Variants in EDIL3 observed in about 807,000 individuals in gnomAD.
The protein encoded by EDIL3 is EGF like and discoidin domains 3, also known as EGF-like repeat and discoidin I-like domain-containing protein 3.
A neutral mutation model predicts 67.4 loss-of-function variants in EDIL3; 37 were observed. The observed-to-expected ratio is 0.55, with a 90% CI of 0.42 to 0.72. EDIL3 has a LOEUF of 0.72. Among genes scored for constraint, EDIL3 ranks in the 30% least tolerant of loss-of-function variants. EDIL3 has a pLI of 0.00. For synonymous variants in EDIL3, 195 were observed against 196.3 expected, an observed-to-expected ratio of 0.99 and a Z score of 0.05; for missense variants, 527 against 586.3, an observed-to-expected ratio of 0.90 and a Z score of 1.04.
intron 3 of EDIL3, among the ~76,000 whole-genome samples, chr5:84,202,799 C>T (rs577066672): frequency 3.2e-4 from 48 of 152,208 alleles, no homozygotes; most frequent in Non-Finnish European, 4.9e-4. Context: ...CAGTCTCACA[C>T]GTACTATGAA....
chr5:84,243,293 G>A (rs1035283387), intron 2 of EDIL3, among the ~76,000 whole-genome samples: 2 of 152,212 alleles, frequency 1.3e-5, no homozygotes, highest in African/African-American at 4.8e-5. Flanking sequence ...TGTGGGACAG[G>A]AAAGCATTGT....
intron 6 of EDIL3, among the ~76,000 whole-genome samples, chr5:84,085,232 T>G (rs1747048250): frequency 6.6e-6 from 1 of 152,212 alleles, no homozygotes; most frequent in South Asian, 2.1e-4. Flanking sequence ...GGAGAGTTGT[T>G]GTGATCATTT....
intron 1 of EDIL3, among the ~76,000 whole-genome samples, chr5:84,266,419 C>T (rs1381048551): frequency 6.6e-6 from 1 of 152,172 alleles, no homozygotes; most frequent in Non-Finnish European, 1.5e-5. Flanking sequence ...ATTGAAGAGG[C>T]TTTGACCTTA....
At chr5:84,027,546 TTTTTATTTTA>T (rs3043885) in intron 9 of EDIL3, among the ~76,000 whole-genome samples, 20 of 146,210 alleles carry the variant, frequency 1.4e-4, no homozygotes, top group South Asian at 4.4e-4. Flanking sequence ...ACACCATCCA[TTTTTATTTTA>T]TTTTATTTTA....
intron 9 of EDIL3, among the ~76,000 whole-genome samples, chr5:84,024,525 T>C (rs1160076309): frequency 1.3e-5 from 2 of 152,110 alleles, no homozygotes; most frequent in African/African-American, 4.8e-5. Flanking sequence ...CTAGTCCTGT[T>C]GTCATTGACC....
At chr5:84,232,338 G>A (rs537009587) in intron 2 of EDIL3, among the ~76,000 whole-genome samples, 2 of 152,188 alleles carry the variant, frequency 1.3e-5, no homozygotes, top group Admixed American at 1.3e-4. Context: ...TACAATCCAG[G>A]GACAGACATA....
chr5:84,173,040 G>A (rs2112350501), intron 4 of EDIL3, among the ~76,000 whole-genome samples: 1 of 152,260 alleles, frequency 6.6e-6, no homozygotes, highest in Admixed American at 6.5e-5. Context: ...ATGACAACAG[G>A]AGGTCAGAGA....
chr5:84,218,452 G>C (rs139516533), intron 3 of EDIL3, among the ~76,000 whole-genome samples: 89 of 152,344 alleles, frequency 5.8e-4, no homozygotes, highest in Middle Eastern at 3.4e-3. Flanking sequence ...GATGGAGGCA[G>C]AGCCAGGTGG....
rs184897733 is a variant in EDIL3 at position 84,306,382 on chromosome 5, A to T, written c.68-52170T>A. Among the ~76,000 whole-genome samples the T allele has an allele frequency of 2.6e-5, 4 of 152,352 alleles. No individual in the cohort carries two copies. The East Asian group carries it at 7.7e-4, about 29-fold the overall frequency. ...GGTTTAATGTTCATAATATATTTTT[A>T]AAAGTAGGACACACTTTATTAATAA... On this transcript the variant is annotated intron_variant, in intron 1 of 10. Transcript: ENST00000296591.
chr5:83,993,660 C>A (rs1376164429), intron 9 of EDIL3, among the ~76,000 whole-genome samples: 4 of 152,150 alleles, frequency 2.6e-5, no homozygotes, highest in Non-Finnish European at 5.9e-5. Flanking sequence ...CCACAAGATA[C>A]CCTTCTTAAA....
chr5:84,223,738 A>G (rs1258589511), intron 3 of EDIL3, among the ~76,000 whole-genome samples: 2 of 151,416 alleles, frequency 1.3e-5, no homozygotes, highest in African/African-American at 2.4e-5. Context: ...ATTACGTAAT[A>G]GAAATTTGCT....
chr5:84,377,380 A>ACTG (rs1196349208), intron 1 of EDIL3, among the ~76,000 whole-genome samples: 1 of 151,642 alleles, frequency 6.6e-6, no homozygotes, highest in Non-Finnish European at 1.5e-5. Flanking sequence ...TAGGTGGGAG[A>ACTG]CTGCTCTACA....
chr5:83,969,548 C>G (rs1744755104), intron 9 of EDIL3, among the ~76,000 whole-genome samples: 1 of 151,664 alleles, frequency 6.6e-6, no homozygotes, highest in Non-Finnish European at 1.5e-5. Flanking sequence ...AATTCTTTTA[C>G]TATCAGAAGA....
intron 1 of EDIL3, among the ~76,000 whole-genome samples, chr5:84,263,197 G>A (rs1206240458): frequency 6.6e-6 from 1 of 152,138 alleles, no homozygotes; most frequent in Non-Finnish European, 1.5e-5. Context: ...ATGAGAGAGG[G>A]CCACCAAACC....
chr5:83,981,001 T>A (rs957278753), intron 9 of EDIL3, among the ~76,000 whole-genome samples: 24 of 151,900 alleles, frequency 1.6e-4, no homozygotes, highest in African/African-American at 5.6e-4. Flanking sequence ...GGAAGACAAA[T>A]AAATGAAAAG....
intron 3 of EDIL3, among the ~76,000 whole-genome samples, chr5:84,194,872 C>T (rs542928508): frequency 5.3e-5 from 8 of 151,714 alleles, no homozygotes; most frequent in African/African-American, 1.7e-4. Context: ...GTTTCCTTCA[C>T]GAAAGTTATT....
chr5:84,027,533 G>A (rs907676532), intron 9 of EDIL3, among the ~76,000 whole-genome samples: 1 of 107,752 alleles, frequency 9.3e-6, no homozygotes, highest in Admixed American at 9.0e-5. Flanking sequence ...TGCTTTTTAT[G>A]GGACACCATC....
intron 5 of EDIL3, among the ~76,000 whole-genome samples, chr5:84,128,845 T>C (rs1386911271): frequency 6.6e-6 from 1 of 152,154 alleles, no homozygotes; most frequent in Non-Finnish European, 1.5e-5. Flanking sequence ...AACTAAATTA[T>C]AATCCCTGGA....
At chr5:84,383,918 C>A (rs1359923791) in intron 1 of EDIL3, among the ~76,000 whole-genome samples, 1 of 152,154 alleles carries the variant, frequency 6.6e-6, no homozygotes, top group African/African-American at 2.4e-5. Context: ...TGGCTTCCCC[C>A]GCTCCCGCCC....
Sources: gnomAD v4.1 joint callset for allele counts (sites outside exome capture counted in the v4.1 genomes callset) on GRCh38, gnomAD v4.1.1 for gene constraint, MANE v1.5 for transcripts, NCBI Gene and HGNC (gene_info 2026-07-23, HGNC 2026-07-21) for gene names.